ZFP64: variants seen among roughly 807,000 people sequenced by gnomAD.
ZFP64 encodes zinc finger protein 64.
In ZFP64, 14 loss-of-function variants were observed where a neutral mutation model predicts 51.6. The ratio of observed to expected loss-of-function variants is 0.27; its 90% confidence interval spans 0.18 to 0.42. The LOEUF (loss-of-function observed/expected upper bound fraction) is 0.42, where lower values mean the gene tolerates loss of function less well. ZFP64 is among the 10% of genes least tolerant of loss of function. ZFP64 has a pLI of 1.00. For synonymous variants in ZFP64, 375 were observed against 361.4 expected, an observed-to-expected ratio of 1.04 and a Z score of -0.43; for missense variants, 754 against 906.8, an observed-to-expected ratio of 0.83 and a Z score of 2.16.
intron 3 of ZFP64, chr20:52,165,576 T>C (rs1982190047): frequency 1.7e-6 from 1 of 591,820 alleles, no homozygotes; most frequent in South Asian, 1.5e-5. Flanking sequence ...TTACTGGATA[T>C]CTTCCTAAGC....
chr20:52,088,456 G>T lies in ZFP64; in HGVS notation c.1164C>A (p.Cys388Ter). The change falls in exon 8 of 9, where the codon TGC becomes TGA. Residue 388 changes from cysteine to a stop codon, truncating the protein, a stop_gained. Transcript: ENST00000361387. LOFTEE classifies it high-confidence loss of function. ...TGCGGCTGGCATAGGGGCAGAGCTG[G>T]CATTTGTACGGCCGCTCATCAGAGT... 1 of 1,614,198 alleles carries T rather than the reference G, an allele frequency of 6.2e-7. No individual in the cohort carries two copies. The highest frequency in any genetic ancestry group is 8.5e-7 in the Non-Finnish European group (1 of 1,180,038).
exon 6 of ZFP64, chr20:52,098,569 T>A: frequency 6.2e-7 from 1 of 1,614,032 alleles, no homozygotes; most frequent in Non-Finnish European, 8.5e-7. Context: ...TTTTGGAACA[T>A]CATCATCAAG....
intron 4 of ZFP64, among the ~76,000 whole-genome samples, chr20:52,162,895 A>T (rs966419557): frequency 1.3e-5 from 2 of 152,194 alleles, no homozygotes; most frequent in African/African-American, 4.8e-5. Flanking sequence ...CTCTGAAGGT[A>T]ACTAAGGTGA....
chr20:52,100,394 C>T (rs906663021), intron 5 of ZFP64, among the ~76,000 whole-genome samples: 8 of 152,030 alleles, frequency 5.3e-5, no homozygotes, highest in Non-Finnish European at 8.8e-5. Context: ...TACAGACGTG[C>T]GCCACCACGC....
exon 9 of ZFP64, chr20:52,084,909 C>T (rs1205313050): frequency 6.2e-7 from 1 of 1,613,666 alleles, no homozygotes; most frequent in South Asian, 1.1e-5. Flanking sequence ...CGTGTCGAAG[C>T]TGCAGAAGTC....
intron 5 of ZFP64, chr20:52,110,916 C>T: frequency 6.2e-7 from 1 of 1,600,234 alleles, no homozygotes; most frequent in Admixed American, 1.7e-5. Flanking sequence ...GACGCCTGAA[C>T]TCATCCTGCT....
intron 2 of ZFP64, among the ~76,000 whole-genome samples, chr20:52,183,155 G>C (rs1395389524): frequency 6.6e-6 from 1 of 152,104 alleles, no homozygotes; most frequent in Admixed American, 6.6e-5. Flanking sequence ...GGAGAGAAGG[G>C]GATTGTCCCC....
chr20:52,136,549 A>C (rs964363536), intron 5 of ZFP64, among the ~76,000 whole-genome samples: 1 of 152,218 alleles, frequency 6.6e-6, no homozygotes, highest in Admixed American at 6.5e-5. Flanking sequence ...CATCAATAAA[A>C]AAGAATTTGA....
intron 5 of ZFP64, among the ~76,000 whole-genome samples, chr20:52,154,233 G>T (rs538588238): frequency 6.6e-6 from 1 of 152,238 alleles, no homozygotes; most frequent in South Asian, 2.1e-4. Flanking sequence ...AATATTCTTC[G>T]ATGGCTTCCG....
intron 5 of ZFP64, among the ~76,000 whole-genome samples, chr20:52,119,554 A>ATG (rs1979064267): frequency 1.1e-5 from 1 of 90,248 alleles, no homozygotes; most frequent in Non-Finnish European, 2.3e-5. Flanking sequence ...ATATATATAT[A>ATG]CATATATATA....
Position 52,164,738 on chromosome 20 carries a change from A to C in ZFP64, c.468T>G (p.Ala156=). 1 of 1,612,748 alleles carries C rather than the reference A, an allele frequency of 6.2e-7. No homozygotes were observed. Among genetic ancestry groups the C allele is most frequent in the Non-Finnish European group, 8.5e-7 (1 of 1,179,750 alleles). The change falls in exon 4 of 6, where the codon GCT becomes GCG. Residue 156 remains alanine (A), a synonymous_variant. Transcript: ENST00000216923. ...GCCGCTCCATGTCCTTCATGCCATA[A>C]GCAGTCTTGAATTGGCAACCTAAAA... ...CCYPGCQFKT[A]YGMKDMERHL...
chr20:52,098,670 T>C, intron 5 of ZFP64: 1 of 1,520,524 alleles, frequency 6.6e-7, no homozygotes, highest in South Asian at 1.2e-5. Flanking sequence ...TTGGGCTTAT[T>C]TCACCTCCCT....
intron 2 of ZFP64, among the ~76,000 whole-genome samples, chr20:52,178,794 CT>C (rs928392470): frequency 2.0e-5 from 3 of 152,310 alleles, no homozygotes; most frequent in East Asian, 1.9e-4. Flanking sequence ...GTTCTCCCCC[CT>C]GACTTTCCCA....
chr20:52,153,879 CA>C lies in ZFP64; in HGVS notation c.764-452del, dbSNP rs1222593346. ...GAATGGGTCAGCTCCGTGCTGCACT[CA>C]TTGGAGTATGGTTTTACAATGACTG... On this transcript the variant is annotated intron_variant, in intron 5 of 5. Coordinates refer to ENST00000216923, the MANE Select transcript of ZFP64 (RefSeq NM_018197.3). This position sits in a 1 kb window ranked among gnomAD's most constrained non-coding sequence, Gnocchi z 5.1. Among the ~76,000 whole-genome samples, 7 of 152,170 alleles carry C rather than the reference CA, an allele frequency of 4.6e-5. No individual in the cohort carries two copies. The highest frequency in any genetic ancestry group is 1.4e-4 in the African/African-American group (6 of 41,448).
At chr20:52,129,322 A>T (rs1440356339) in intron 5 of ZFP64, among the ~76,000 whole-genome samples, 4 of 149,614 alleles carry the variant, frequency 2.7e-5, no homozygotes, top group Non-Finnish European at 5.9e-5. Flanking sequence ...CCAGGGTGGA[A>T]TTTTTTTGTA....
At chr20:52,113,291 G>A (rs1051677916) in intron 5 of ZFP64, among the ~76,000 whole-genome samples, 7 of 151,630 alleles carry the variant, frequency 4.6e-5, no homozygotes, top group African/African-American at 1.7e-4. Flanking sequence ...CCGCGAATGC[G>A]CCACTGTACT....
At chr20:52,157,777 G>A (rs1433050827) in intron 5 of ZFP64, among the ~76,000 whole-genome samples, 6 of 152,070 alleles carry the variant, frequency 3.9e-5, no homozygotes, top group South Asian at 4.1e-4. Flanking sequence ...CCATCAACCC[G>A]TCATCTACAT....
chr20:52,144,775 A>G (rs1980443137), intron 5 of ZFP64, among the ~76,000 whole-genome samples: 1 of 151,918 alleles, frequency 6.6e-6, no homozygotes, highest in Non-Finnish European at 1.5e-5. Flanking sequence ...GTAACAAGAA[A>G]GGTGGTGGAC....
At chr20:52,112,919 G>A (rs1484004926) in intron 5 of ZFP64, among the ~76,000 whole-genome samples, 1 of 151,974 alleles carries the variant, frequency 6.6e-6, no homozygotes, top group Non-Finnish European at 1.5e-5. Flanking sequence ...GCCTGGCTGG[G>A]TTCTCCTTCC....
Sources: gnomAD v4.1 joint callset for allele counts (sites outside exome capture counted in the v4.1 genomes callset) on GRCh38, gnomAD v4.1.1 for gene constraint, Gnocchi (gnomAD v3.1) non-coding constraint, MANE v1.5 for transcripts, NCBI Gene and HGNC (gene_info 2026-07-23, HGNC 2026-07-21) for gene names.